CKMT1A: variants seen among roughly 807,000 people sequenced by gnomAD.
The protein encoded by CKMT1A is creatine kinase, mitochondrial 1A, also known as creatine kinase U-type, mitochondrial.
A neutral mutation model predicts 21.8 loss-of-function variants in CKMT1A; 23 were observed. That is an observed-to-expected ratio of 1.05 (90% CI 0.76 to 1.49). The LOEUF is 1.49. Ranked by LOEUF, CKMT1A falls within the 40% of genes most tolerant of loss-of-function variation. CKMT1A has a pLI of 0.00. For missense variants in CKMT1A, 154 were observed against 229.4 expected, an observed-to-expected ratio of 0.67 and a Z score of 2.12; for synonymous variants, 67 against 80.4, an observed-to-expected ratio of 0.83 and a Z score of 0.89.
chr15:43,697,145 C>T, intron 6 of CKMT1A: 1 of 967,162 alleles, frequency 1.0e-6, no homozygotes, highest in Non-Finnish European at 1.4e-6. Context: ...AAATTATATG[C>T]CTCAGTTTCC....
intron 8 of CKMT1A, 39 bp from the exon 9 acceptor site, chr15:43,698,934 G>A: frequency 6.2e-7 from 1 of 1,612,536 alleles, no homozygotes; most frequent in Non-Finnish European, 8.5e-7. Flanking sequence ...GAAAAACTCA[G>A]ACTGTAGGAA....
chr15:43,698,685 G>T lies in CKMT1A; in HGVS notation c.1056G>T (p.Lys352Asn), dbSNP rs546043133. 4 of 1,613,336 alleles carry T rather than the reference G, an allele frequency of 2.5e-6. 1 individual carries two copies. Among genetic ancestry groups the T allele is most frequent in the Non-Finnish European group, 3.4e-6 (4 of 1,179,672 alleles). The change falls in exon 8 of 9, where the codon AAG becomes AAT. Residue 352 changes from lysine to asparagine, a missense_variant. Physicochemically the swap from Lys to Asn is moderately conservative, Grantham distance 94 (BLOSUM62 0). Coordinates refer to ENST00000413453, the MANE Select transcript of CKMT1A (RefSeq NM_001321926.2). ...PKILENLRLQKRGTGGVDTAA... is the reference protein window; with the variant it reads ...PKILENLRLQNRGTGGVDTAA... ...TCCTGGAGAACCTAAGACTCCAAAAGCGTGGTACTGGAGGAGTGGACACTG... is the reference window on the plus strand; with the variant it reads ...TCCTGGAGAACCTAAGACTCCAAAATCGTGGTACTGGAGGAGTGGACACTG...
At chr15:43,698,523 A>AT in intron 7 of CKMT1A, 118 bp from the exon 8 acceptor site, 8 of 1,387,306 alleles carry the variant, frequency 5.8e-6, no homozygotes, top group Non-Finnish European at 5.8e-6. Context: ...AAAAAAAAAA[A>AT]GAAAAAAGGA....
chr15:43,698,808 G>A, intron 8 of CKMT1A, 42 bp downstream of exon 8: 2 of 1,611,422 alleles, frequency 1.2e-6, no homozygotes, highest in Non-Finnish European at 8.5e-7. Flanking sequence ...GTATAGGTCT[G>A]TGGGGGCTGA....
chr15:43,697,839 A>G, intron 6 of CKMT1A, 175 bp from the exon 7 acceptor site: 2 of 979,816 alleles, frequency 2.0e-6, no homozygotes, highest in Non-Finnish European at 2.4e-6. Flanking sequence ...TGCATCATGC[A>G]TGCATGAAAA....
intron 6 of CKMT1A, chr15:43,697,713 C>G: frequency 1.0e-6 from 1 of 984,510 alleles, no homozygotes; most frequent in Non-Finnish European, 1.2e-6. Context: ...TCTCTCAGTT[C>G]AGTTTACCAC....
rs1467931760 is a variant in CKMT1A, at chr15:43,698,077, T to G, written c.940T>G (p.Leu314Val). The part of the protein sequence containing the change: ...FMWNERLGYI[L>V]TCPSNLGTGL... ...GTGGAATGAGCGTTTGGGATACATC[T>G]TGACCTGTCCATCTAACCTGGGCAC... The change falls in exon 7 of 9, where the codon TTG (leucine) becomes GTG (valine). Residue 314 changes from leucine (L) to valine (V), a missense_variant. Physicochemically the swap from Leu to Val is conservative, Grantham distance 32. Coordinates refer to ENST00000413453, the MANE Select transcript of CKMT1A (RefSeq NM_001321926.2). The G allele has an allele frequency of 3.1e-6, 5 of 1,613,332 alleles. 1 individual carries two copies. The East Asian group carries it at 6.7e-5, about 22-fold the overall frequency.
At chr15:43,696,576 T>A in intron 6 of CKMT1A, 5 of 734,952 alleles carry the variant, frequency 6.8e-6, no homozygotes, top group Non-Finnish European at 1.1e-5. Flanking sequence ...AGGAAAAGAG[T>A]GTCAGGAACC....
At chr15:43,697,608 C>T (rs1331066400) in intron 6 of CKMT1A, 1 of 984,354 alleles carries the variant, frequency 1.0e-6, no homozygotes, top group Admixed American at 6.2e-5. Flanking sequence ...AAGCTTACAC[C>T]TTCATCTTCT....
intron 7 of CKMT1A, 95 bp downstream of exon 7, chr15:43,698,243 T>C (rs2141614787): frequency 6.3e-7 from 1 of 1,588,148 alleles, no homozygotes; most frequent in East Asian, 2.2e-5. Flanking sequence ...GCCAAACATG[T>C]TGTGGCTAAA....
intron 6 of CKMT1A, chr15:43,697,201 T>C: frequency 8.2e-7 from 1 of 1,225,442 alleles, no homozygotes; most frequent in Non-Finnish European, 1.1e-6. Context: ...TTTTAGGTTG[T>C]TGTGGGGATT....
rs754441419 is a variant in CKMT1A at position 43,699,012 on chromosome 15, T to G, written c.1177T>G (p.Leu393Val). 1 of 1,613,364 alleles carries G rather than the reference T, an allele frequency of 6.2e-7. No homozygotes were observed. Among genetic ancestry groups the G allele is most frequent in the South Asian group, 1.1e-5 (1 of 91,040 alleles). Residue 393 changes from leucine (L) to valine (V), a missense_variant, in exon 9 of 9, where the codon TTG (leucine) becomes GTG (valine). Transcript: ENST00000413453. ...VQLVIDGVNYLIDCERRLERG... is the reference protein window; with the variant it reads ...VQLVIDGVNYVIDCERRLERG... ...ACTGGTCATCGATGGAGTAAACTAT[T>G]TGATTGATTGTGAACGGCGTCTGGA...
Position 43,698,002 on chromosome 15 carries a change from T to C in CKMT1A, c.877-12T>C, listed in dbSNP as rs1330359225. ...CCCTGATTTTTCATTAATAAAAACT[T>C]TGTGGACTCAGGTGGAGAGACTTAT... On this transcript the variant is annotated splice_polypyrimidine_tract_variant and intron_variant, in intron 6 of 8. Coordinates refer to ENST00000413453, the MANE Select transcript of CKMT1A (RefSeq NM_001321926.2). The C allele has an allele frequency of 6.2e-7, 1 of 1,613,566 alleles. No individual in the cohort carries two copies.
chr15:43,696,399 G>A (rs367721666), intron 6 of CKMT1A, 36 bp downstream of exon 6: 4 of 1,610,376 alleles, frequency 2.5e-6, no homozygotes, highest in Non-Finnish European at 3.4e-6. Flanking sequence ...TAGGTGGGAG[G>A]ACATAAGGAA....
chr15:43,696,927 C>A (rs1339972089), intron 6 of CKMT1A: 1 of 299,802 alleles, frequency 3.3e-6, no homozygotes, highest in Non-Finnish European at 6.6e-6. Flanking sequence ...AATCATCAAT[C>A]CTACATGGAT....
chr15:43,697,434 C>A, intron 6 of CKMT1A: 3 of 985,006 alleles, frequency 3.0e-6, no homozygotes, highest in Non-Finnish European at 3.6e-6. Context: ...CTCTTGAACT[C>A]TAATAGTCAT....
In CKMT1A at chr15:43,698,786, G is replaced by T. The variant is rs757868231; in HGVS notation, c.1137+20G>T. 2 of 1,613,578 alleles carry T rather than the reference G, an allele frequency of 1.2e-6. No homozygotes were observed. The highest frequency in any genetic ancestry group is 4.5e-5 in the East Asian group (2 of 44,882). On this transcript the variant is annotated intron_variant, in intron 8 of 8. Coordinates refer to ENST00000413453, the MANE Select transcript of CKMT1A (RefSeq NM_001321926.2). ...TCAGAGGTGAGATCCTAAGGGATTA[G>T]GATGAGGAGAGGTATAGGTCTGTGG...
At chr15:43,696,947 G>A (rs1162579664) in intron 6 of CKMT1A, 6 of 299,756 alleles carry the variant, frequency 2.0e-5, no homozygotes, top group South Asian at 3.2e-5. Flanking sequence ...TTGGGTCTCC[G>A]TATTCAAGTC....
chr15:43,697,969 T>A (rs753988598), intron 6 of CKMT1A, 45 bp from the exon 7 acceptor site: 3 of 1,613,092 alleles, frequency 1.9e-6, no homozygotes, highest in Non-Finnish European at 1.7e-6. Flanking sequence ...CCAGGGTTAA[T>A]GAAATATCCC....
Sources: allele counts gnomAD v4.1 joint callset, GRCh38; gene constraint gnomAD v4.1.1; transcripts MANE v1.5; gene names NCBI Gene and HGNC (gene_info 2026-07-23, HGNC 2026-07-21).